BLTP3A: variants seen among roughly 807,000 people sequenced by gnomAD.
BLTP3A encodes bridge-like lipid transfer protein family member 3A.
At chr6:34,813,086 T>G in the BLTP3A span, among the ~76,000 whole-genome samples, 2 of 152,188 alleles carry the variant, frequency 1.3e-5, no homozygotes, top group South Asian at 4.1e-4. Context: ...CCTTTTTATT[T>G]CTCCCAGGAG....
At chr6:34,808,357 A>AC in the BLTP3A span, among the ~76,000 whole-genome samples, 1 of 150,548 alleles carries the variant, frequency 6.6e-6, no homozygotes, top group African/African-American at 2.4e-5. Flanking sequence ...AAAAAAAAAA[A>AC]AAAAAAAAAA....
chr6:34,804,763 A>G, the BLTP3A span, among the ~76,000 whole-genome samples: 14 of 152,122 alleles, frequency 9.2e-5, no homozygotes, highest in Admixed American at 5.9e-4. Context: ...CAACTGAAAC[A>G]TCTCCAAACC....
chr6:34,798,598 T>C, the BLTP3A span, among the ~76,000 whole-genome samples: 69 of 145,166 alleles, frequency 4.8e-4, no homozygotes, highest in South Asian at 4.2e-4. Context: ...TTCTTTCTTT[T>C]TTTTTTTTTT....
At chr6:34,842,749 G>GA in the BLTP3A span, among the ~76,000 whole-genome samples, 12 of 152,072 alleles carry the variant, frequency 7.9e-5, no homozygotes, top group Non-Finnish European at 1.2e-4. Context: ...TGAGTTCATG[G>GA]AAGATACACA....
the BLTP3A span, among the ~76,000 whole-genome samples, chr6:34,815,547 G>A: frequency 2.0e-5 from 3 of 152,028 alleles, no homozygotes; most frequent in Non-Finnish European, 2.9e-5. Context: ...ACCGTGTCTG[G>A]CCAAATTATG....
chr6:34,862,620 G>T, the BLTP3A span, among the ~76,000 whole-genome samples: 1 of 151,966 alleles, frequency 6.6e-6, no homozygotes, highest in African/African-American at 2.4e-5. Flanking sequence ...AGATCACGAG[G>T]TCAGGAGATG....
At chr6:34,805,384 GGAGTTT>G in the BLTP3A span, among the ~76,000 whole-genome samples, 1 of 152,022 alleles carries the variant, frequency 6.6e-6, no homozygotes, top group African/African-American at 2.4e-5. Flanking sequence ...CTTGAAGTCA[GGAGTTT>G]GAGACAAGCC....
the BLTP3A span, chr6:34,823,409 T>G: frequency 7.1e-7 from 1 of 1,412,550 alleles, no homozygotes; most frequent in Non-Finnish European, 9.9e-7. Flanking sequence ...CCCTTTTAGT[T>G]AAAAAATAAA....
At chr6:34,874,076 C>T in the BLTP3A span, 2 of 152,164 alleles carry the variant, frequency 1.3e-5, no homozygotes, top group Non-Finnish European at 2.9e-5. Flanking sequence ...AACAAAGAAA[C>T]ATCTTTCTGG....
the BLTP3A span, among the ~76,000 whole-genome samples, chr6:34,819,840 A>G: frequency 6.6e-6 from 1 of 152,134 alleles, no homozygotes; most frequent in African/African-American, 2.4e-5. Flanking sequence ...CTGTGTGAAT[A>G]TTTTATTTCA....
chr6:34,820,814 A>AT, the BLTP3A span, among the ~76,000 whole-genome samples: 576 of 102,786 alleles, frequency 5.6e-3, 4 homozygotes, highest in Admixed American at 0.016. Flanking sequence ...ACCATGCCTA[A>AT]TTTTTTTTTT....
the BLTP3A span, among the ~76,000 whole-genome samples, chr6:34,868,464 T>C: frequency 6.6e-5 from 10 of 152,020 alleles, no homozygotes; most frequent in Admixed American, 6.6e-4. Flanking sequence ...GGCTCATGCC[T>C]GTAATCCTAG....
the BLTP3A span, among the ~76,000 whole-genome samples, chr6:34,796,499 T>C: frequency 1.1e-4 from 16 of 152,350 alleles, no homozygotes; most frequent in Admixed American, 4.6e-4. Flanking sequence ...TTCATTTAAA[T>C]AGACCTTGGA....
the BLTP3A span, chr6:34,872,455 A>T: frequency 6.2e-7 from 1 of 1,602,386 alleles, no homozygotes. Flanking sequence ...TGGCTCAGCC[A>T]TCTGTGCCAA....
the BLTP3A span, chr6:34,792,318 C>T: frequency 5.8e-6 from 9 of 1,538,472 alleles, no homozygotes; most frequent in Admixed American, 1.2e-4. Flanking sequence ...CGCCGGCCCC[C>T]GGCGGTCCTG....
the BLTP3A span, among the ~76,000 whole-genome samples, chr6:34,804,036 AG>A: frequency 6.6e-6 from 1 of 152,144 alleles, no homozygotes; most frequent in African/African-American, 2.4e-5. Context: ...GAGGCCTGGC[AG>A]TATATAGTAG....
chr6:34,829,051 A>AAAAG, the BLTP3A span, among the ~76,000 whole-genome samples: 1 of 132,716 alleles, frequency 7.5e-6, no homozygotes, highest in African/African-American at 2.6e-5. Flanking sequence ...AAAAAAAAAA[A>AAAAG]AAGAAGAAAA....
the BLTP3A span, among the ~76,000 whole-genome samples, chr6:34,830,736 A>C: frequency 6.6e-6 from 1 of 152,244 alleles, no homozygotes; most frequent in Non-Finnish European, 1.5e-5. Context: ...TATACCTAGC[A>C]GTAAAATTGT....
chr6:34,836,215 G>A, the BLTP3A span: 5 of 1,614,070 alleles, frequency 3.1e-6, no homozygotes, highest in Non-Finnish European at 4.2e-6. Context: ...GTGGCAGCCA[G>A]GGCAACAGCA....
Sources: gnomAD v4.1 joint callset for allele counts (sites outside exome capture counted in the v4.1 genomes callset) on GRCh38, gnomAD v4.1.1 for gene constraint, MANE v1.5 for transcripts, NCBI Gene and HGNC (gene_info 2026-07-23, HGNC 2026-07-21) for gene names.